Variants in IPO11 observed in about 807,000 individuals in gnomAD.
The protein encoded by IPO11 is importin-11.
Under a neutral mutation model 143.2 loss-of-function variants are expected in IPO11, and 66 were observed. The observed-to-expected ratio is 0.46, with a 90% CI of 0.38 to 0.57. IPO11 has a LOEUF of 0.57. Ranked by LOEUF, IPO11 falls within the 20% of genes least tolerant of loss-of-function variation. The pLI is 0.00. For synonymous variants in IPO11, 385 were observed against 377.8 expected, an observed-to-expected ratio of 1.02 and a Z score of -0.22; for missense variants, 1,026 against 1,141.0, an observed-to-expected ratio of 0.90 and a Z score of 1.45.
In IPO11 at chr5:62,551,752, G is replaced by A. The variant is rs1042741334; in HGVS notation, c.2460+416G>A. On this transcript the variant is annotated intron_variant, in intron 26 of 29. Coordinates refer to ENST00000325324, the MANE Select transcript of IPO11 (RefSeq NM_016338.5). ...TTTATTGTGGAAAATGACCTTTTTA[G>A]CAAAGGTTTATTTTTAAAAATTGTA... 3.3e-5 allele frequency among the ~76,000 whole-genome samples: 5 copies of A among 152,210 alleles called. No homozygotes were observed. The South Asian group carries it at 8.3e-4, about 25-fold the overall frequency.
chr5:62,456,130 C>G (rs1745143245), intron 5 of IPO11, among the ~76,000 whole-genome samples: 1 of 151,966 alleles, frequency 6.6e-6, no homozygotes, highest in South Asian at 2.1e-4. Context: ...CCAGGTTCAG[C>G]ACCTCCTAGT....
intron 2 of IPO11, among the ~76,000 whole-genome samples, chr5:62,441,228 A>G (rs1389868728): frequency 2.6e-5 from 4 of 151,772 alleles, no homozygotes; most frequent in African/African-American, 9.7e-5. Context: ...ACAGAGTTTC[A>G]CTCTTGTTGC....
intron 16 of IPO11, among the ~76,000 whole-genome samples, chr5:62,494,666 C>G (rs1168016913): frequency 6.6e-6 from 1 of 151,976 alleles, no homozygotes. Context: ...TATAAAATTA[C>G]TGAAATAGTA....
intron 26 of IPO11, among the ~76,000 whole-genome samples, chr5:62,557,578 T>C (rs1743621283): frequency 6.6e-6 from 1 of 152,192 alleles, no homozygotes; most frequent in Non-Finnish European, 1.5e-5. Flanking sequence ...GTAATAGAAA[T>C]GTAAGGGAAA....
chr5:62,482,775 T>A (rs901795199), intron 9 of IPO11, among the ~76,000 whole-genome samples: 1 of 152,220 alleles, frequency 6.6e-6, no homozygotes, highest in Non-Finnish European at 1.5e-5. Flanking sequence ...TACCTTAGTC[T>A]ATTACTTTTA....
intron 18 of IPO11, among the ~76,000 whole-genome samples, chr5:62,505,527 C>T (rs571707113): frequency 2.6e-5 from 4 of 152,102 alleles, no homozygotes; most frequent in Non-Finnish European, 5.9e-5. Flanking sequence ...AGTGATCTTG[C>T]TTTAATAAAA....
At chr5:62,451,396 G>A (rs1457574373) in intron 4 of IPO11, among the ~76,000 whole-genome samples, 1 of 152,130 alleles carries the variant, frequency 6.6e-6, no homozygotes, top group Non-Finnish European at 1.5e-5. Flanking sequence ...GCATTGGCTT[G>A]CATTTTTAGG....
At chr5:62,495,286 C>G (rs952383206) in intron 16 of IPO11, among the ~76,000 whole-genome samples, 1 of 152,080 alleles carries the variant, frequency 6.6e-6, no homozygotes, top group African/African-American at 2.4e-5. Context: ...TTTCTATTTG[C>G]TAAAATTAAT....
At chr5:62,583,085 A>C (rs188188989) in intron 27 of IPO11, among the ~76,000 whole-genome samples, 4 of 152,318 alleles carry the variant, frequency 2.6e-5, no homozygotes, top group African/African-American at 9.6e-5. Flanking sequence ...TTAAATAAAC[A>C]TTATTTTTCC....
At position 62,515,473 on chromosome 5, in the gene IPO11, T is replaced by C; in HGVS notation, c.1868T>C (p.Ile623Thr). Residue 623 changes from isoleucine (I) to threonine (T), a missense_variant, in exon 20 of 30, where the codon ATT (isoleucine) becomes ACT (threonine). By Grantham distance (89) the Ile-to-Thr change is moderately conservative. Transcript: ENST00000325324. ...SEEHNMLRCAILTTLIHLVQG... is the reference protein window; with the variant it reads ...SEEHNMLRCATLTTLIHLVQG... ...GAACACAATATGTTGAGATGTGCTA[T>C]TTTGACAACACTTATTCATCTTGTT... is the stretch of plus-strand genomic sequence containing the variant. 1 of 1,607,354 alleles carries C rather than the reference T, an allele frequency of 6.2e-7. No individual in the cohort carries two copies. Among genetic ancestry groups the C allele is most frequent in the Non-Finnish European group, 8.5e-7 (1 of 1,177,512 alleles).
chr5:62,621,866 G>T (rs559977951), intron 29 of IPO11, among the ~76,000 whole-genome samples: 1 of 151,944 alleles, frequency 6.6e-6, no homozygotes, highest in African/African-American at 2.4e-5. Flanking sequence ...CAGTGGAGGA[G>T]TCAAACAATG....
intron 16 of IPO11, among the ~76,000 whole-genome samples, chr5:62,499,883 C>T (rs1313856853): frequency 2.0e-5 from 3 of 152,132 alleles, no homozygotes; most frequent in Admixed American, 6.5e-5. Flanking sequence ...TAGGCCTACG[C>T]AGGGTTAGGA....
At chr5:62,562,452 C>G (rs1743804083) in intron 27 of IPO11, among the ~76,000 whole-genome samples, 1 of 152,144 alleles carries the variant, frequency 6.6e-6, no homozygotes, top group African/African-American at 2.4e-5. Flanking sequence ...AATCATTAGG[C>G]ATTAGATTCT....
chr5:62,475,732 TC>T (rs145457307), intron 8 of IPO11, among the ~76,000 whole-genome samples: 77 of 152,370 alleles, frequency 5.1e-4, no homozygotes, highest in African/African-American at 1.8e-3. Flanking sequence ...ATTTTGTAAA[TC>T]CCTTGTTCAT....
At chr5:62,579,430 A>T in intron 27 of IPO11, 3 of 1,550,586 alleles carry the variant, frequency 1.9e-6, no homozygotes, top group Non-Finnish European at 2.6e-6. Context: ...AAAATCCAAG[A>T]ACAGGGATAT....
At chr5:62,554,866 C>T (rs1743518735) in intron 26 of IPO11, among the ~76,000 whole-genome samples, 1 of 152,152 alleles carries the variant, frequency 6.6e-6, no homozygotes, top group Non-Finnish European at 1.5e-5. Context: ...CAGGCACACA[C>T]CACCATGTCT....
chr5:62,439,284 G>GTTTTTT (rs1226593063), intron 2 of IPO11, among the ~76,000 whole-genome samples: 37 of 90,944 alleles, frequency 4.1e-4, no homozygotes, highest in African/African-American at 7.5e-4. Context: ...AACTGCGTAG[G>GTTTTTT]TTTTTTTTTT....
intron 4 of IPO11, among the ~76,000 whole-genome samples, chr5:62,450,688 T>A (rs1265383476): frequency 6.6e-6 from 1 of 150,474 alleles, no homozygotes; most frequent in Non-Finnish European, 1.5e-5. Flanking sequence ...CAACTCAGAA[T>A]GGCTTCAGGT....
At chr5:62,598,375 GTT>G (rs1745304155) in intron 28 of IPO11, among the ~76,000 whole-genome samples, 1 of 15,192 alleles carries the variant, frequency 6.6e-5, no homozygotes, top group Non-Finnish European at 1.0e-4. Flanking sequence ...CCCATAAATT[GTT>G]TGCTTGCTTG....
Sources: gnomAD v4.1 joint callset for allele counts (sites outside exome capture counted in the v4.1 genomes callset) on GRCh38, gnomAD v4.1.1 for gene constraint, MANE v1.5 for transcripts, NCBI Gene and HGNC (gene_info 2026-07-23, HGNC 2026-07-21) for gene names.